NHSL1: variants seen among roughly 807,000 people sequenced by gnomAD.
The protein encoded by NHSL1 is NHS-like protein 1.
NHSL1 carries 48 observed loss-of-function variants against 95.0 expected under a neutral mutation model. The observed-to-expected ratio is 0.51, with a 90% CI of 0.40 to 0.64. The LOEUF (loss-of-function observed/expected upper bound fraction) is 0.64, where lower values mean the gene tolerates loss of function less well. Among genes scored for constraint, NHSL1 ranks in the 30% least tolerant of loss-of-function variants. The probability of loss-of-function intolerance (pLI) is 0.00; values close to 1 mark genes in which losing one functional copy is unlikely to be tolerated. For missense variants in NHSL1, 1,971 were observed against 2,077.7 expected (o/e 0.95, Z 1.00); for synonymous variants, 783 against 833.9 (o/e 0.94, Z 1.05).
At chr6:138,650,361 T>G in intron 1 of NHSL1, 5 of 1,254,872 alleles carry the variant, frequency 4.0e-6, no homozygotes, top group Non-Finnish European at 5.8e-6. Flanking sequence ...GAGCCCAGCC[T>G]GCAGCCCACA....
At chr6:138,444,648 A>T (rs1776747047) in intron 4 of NHSL1, among the ~76,000 whole-genome samples, 1 of 151,952 alleles carries the variant, frequency 6.6e-6, no homozygotes, top group Non-Finnish European at 1.5e-5. Context: ...CACCCCAGCG[A>T]ACGAGCACAT....
intron 1 of NHSL1, among the ~76,000 whole-genome samples, chr6:138,585,545 A>T (rs929957852): frequency 1.3e-5 from 2 of 152,194 alleles, no homozygotes; most frequent in African/African-American, 4.8e-5. Flanking sequence ...CGACTGAAAA[A>T]TTTTAAAAAA....
chr6:138,686,416 G>A (rs973100216), intron 1 of NHSL1, among the ~76,000 whole-genome samples: 5 of 152,028 alleles, frequency 3.3e-5, no homozygotes, highest in Middle Eastern at 3.2e-3. Flanking sequence ...GGCTACTAGC[G>A]AGGCTGAGGT....
At position 138,499,222 on chromosome 6, in the gene NHSL1, G is replaced by T; in HGVS notation, c.58+11C>A. 2 of 1,492,394 alleles carry T rather than the reference G, an allele frequency of 1.3e-6. No individual in the cohort carries two copies. The highest frequency in any genetic ancestry group is 2.4e-5 in the South Asian group (2 of 82,808). The allele number at this position is 1,492,394 out of a possible 1,614,324, so 92.4% of individuals were successfully genotyped here. ...ACACAATAGGTAGTAGAGAGAAAAG[G>T]AACTACTTACTTTTCTTCTTAAAAA... On this transcript the variant is annotated intron_variant, in intron 1 of 7. Transcript: ENST00000343505.
intron 1 of NHSL1, among the ~76,000 whole-genome samples, chr6:138,496,814 A>C (rs1219809470): frequency 6.6e-6 from 1 of 152,230 alleles, no homozygotes; most frequent in Non-Finnish European, 1.5e-5. Context: ...CAGGAGGTTT[A>C]TAACAAATAT....
intron 1 of NHSL1, among the ~76,000 whole-genome samples, chr6:138,660,640 CAA>C (rs887370217): frequency 7.8e-6 from 1 of 127,710 alleles, no homozygotes. Context: ...GACTCCGTCT[CAA>C]AAAAAAAAAG....
chr6:138,657,814 CA>C (rs1051789759), intron 1 of NHSL1, among the ~76,000 whole-genome samples: 1,177 of 32,884 alleles, frequency 0.036, 2 homozygotes, highest in African/African-American at 0.098. Context: ...GACTCCATCT[CA>C]AAAAAAAAAA....
intron 1 of NHSL1, among the ~76,000 whole-genome samples, chr6:138,557,660 G>T (rs113404044): frequency 2.0e-5 from 3 of 152,324 alleles, no homozygotes; most frequent in African/African-American, 7.2e-5. Context: ...ATTAAAACGA[G>T]GTTAAATTGT....
intron 1 of NHSL1, among the ~76,000 whole-genome samples, chr6:138,569,815 G>A (rs1783756881): frequency 6.6e-6 from 1 of 151,950 alleles, no homozygotes; most frequent in Non-Finnish European, 1.5e-5. Flanking sequence ...TGATGTATAA[G>A]CAGCTTTTTA....
chr6:138,512,726 G>A (rs1781288469), intron 1 of NHSL1, among the ~76,000 whole-genome samples: 1 of 152,268 alleles, frequency 6.6e-6, no homozygotes, highest in East Asian at 1.9e-4. Flanking sequence ...AGTGGCAAAG[G>A]GGATCATTAA....
At chr6:138,458,568 C>T (rs937299083) in intron 3 of NHSL1, among the ~76,000 whole-genome samples, 2 of 152,116 alleles carry the variant, frequency 1.3e-5, no homozygotes, top group African/African-American at 4.8e-5. Flanking sequence ...GTGGCTCACA[C>T]CTGTAATCCC....
At chr6:138,448,896 T>C (rs1347513414) in intron 3 of NHSL1, among the ~76,000 whole-genome samples, 2 of 151,834 alleles carry the variant, frequency 1.3e-5, no homozygotes, top group Non-Finnish European at 2.9e-5. Flanking sequence ...CTCCTAAAAA[T>C]ACAAAATTAG....
rs1276095047 is a variant in NHSL1 at position 138,423,290 on chromosome 6, C to T, written c.*791G>A. 1 of 152,148 alleles carries T rather than the reference C, an allele frequency of 6.6e-6. No individual in the cohort carries two copies. Among genetic ancestry groups the T allele is most frequent in the East Asian group, 1.9e-4 (1 of 5,202 alleles). 9.4% of individuals were successfully genotyped at this position (152,148 alleles called of 1,614,324 possible). A position where few individuals can be genotyped will look rare whatever the true frequency, so the allele number is the denominator to read the frequency against. On this transcript the variant is annotated 3_prime_UTR_variant, in exon 8 of 8. Coordinates refer to ENST00000343505, the MANE Select transcript of NHSL1 (RefSeq NM_001144060.2). ...CACCATCACTTCAGTTGTCAATGAC[C>T]TCAGCTGCTACTCAAGGAGGAAATT...
Position 138,431,016 on chromosome 6 carries a change from A to C in NHSL1, c.3329T>G (p.Leu1110Ter). The C allele has an allele frequency of 1.3e-6, 2 of 1,552,282 alleles. No individual in the cohort carries two copies. Among genetic ancestry groups the C allele is most frequent in the Non-Finnish European group, 1.7e-6 (2 of 1,147,118 alleles). Residue 1110 changes from leucine to a stop codon, truncating the protein, a stop_gained, in exon 6 of 8, where the codon TTA becomes TGA. Coordinates refer to ENST00000343505, the MANE Select transcript of NHSL1 (RefSeq NM_001144060.2). LOFTEE classifies it high-confidence loss of function. The surrounding 1 kb of genome is among the most constrained non-coding windows in gnomAD (Gnocchi z 4.0). The part of the protein sequence containing the change: ...QRTPVAPQYH[L>*]KPSAFLKSRN... ...GGATTTCAGGAAAGCAGATGGCTTTAAGTGGTACTGTGGAGCAACTGGAGT... is the reference window on the plus strand; with the variant it reads ...GGATTTCAGGAAAGCAGATGGCTTTCAGTGGTACTGTGGAGCAACTGGAGT...
chr6:138,511,392 G>A (rs950331882), intron 1 of NHSL1, among the ~76,000 whole-genome samples: 1 of 151,874 alleles, frequency 6.6e-6, no homozygotes, highest in East Asian at 1.9e-4. Context: ...CTGAGAGAGA[G>A]AGAGAGAGTG....
intron 1 of NHSL1, among the ~76,000 whole-genome samples, chr6:138,529,061 G>A (rs1782027236): frequency 6.6e-6 from 1 of 152,078 alleles, no homozygotes; most frequent in African/African-American, 2.4e-5. Context: ...ATTTATTATT[G>A]TTAACCTCTC....
Position 138,671,101 on chromosome 6 carries a change from G to A in NHSL1, c.96+21375C>T, listed in dbSNP as rs117319604. 6.6e-3 allele frequency among the ~76,000 whole-genome samples: 1,008 copies of A among 152,238 alleles called. 14 individuals carry two copies. In the East Asian group the frequency reaches 0.073, roughly 11 times the overall value. On this transcript the variant is annotated intron_variant, in intron 1 of 3. Transcript: ENST00000491526. ...AGCCAGGAGTTTGAGGCTGCAGTGC[G>A]CTATGAACACGCCACTACACTCCAG...
intron 1 of NHSL1, among the ~76,000 whole-genome samples, chr6:138,656,710 G>A (rs1023662548): frequency 1.3e-5 from 2 of 152,204 alleles, no homozygotes; most frequent in Non-Finnish European, 2.9e-5. Context: ...AGGATAATTT[G>A]TGGTGCTGAG....
At chr6:138,588,490 A>G (rs1784174594) in intron 1 of NHSL1, among the ~76,000 whole-genome samples, 1 of 103,086 alleles carries the variant, frequency 9.7e-6, no homozygotes, top group Non-Finnish European at 2.3e-5. Context: ...AAAATAAAAT[A>G]ACGACACTGC....
Sources: gnomAD v4.1 joint callset for allele counts (sites outside exome capture counted in the v4.1 genomes callset) on GRCh38, gnomAD v4.1.1 for gene constraint, Gnocchi (gnomAD v3.1) non-coding constraint, MANE v1.5 for transcripts, NCBI Gene and HGNC (gene_info 2026-07-23, HGNC 2026-07-21) for gene names.